Variants in GPHN observed in about 807,000 individuals in gnomAD.
The protein encoded by GPHN is gephyrin.
In GPHN, 17 loss-of-function variants were observed where a neutral mutation model predicts 95.5. That is an observed-to-expected ratio of 0.18 (90% confidence interval 0.12 to 0.27). The LOEUF (loss-of-function observed/expected upper bound fraction) is 0.27. Ranked by LOEUF, GPHN falls within the 10% of genes least tolerant of loss-of-function variation. GPHN has a pLI of 1.00. For synonymous variants in GPHN, 320 were observed against 322.5 expected (o/e 0.99, Z 0.08); for missense variants, 660 against 978.1 (o/e 0.67, Z 4.34).
At chr14:67,522,494 T>C in the GPHN span, among the ~76,000 whole-genome samples, 2 of 152,156 alleles carry the variant, frequency 1.3e-5, no homozygotes, top group East Asian at 3.8e-4. Context: ...TATGCTGCTA[T>C]CTAAGCCACT....
chr14:66,732,654 C>G (rs771036643), intron 2 of GPHN, among the ~76,000 whole-genome samples: 1 of 151,744 alleles, frequency 6.6e-6, no homozygotes, highest in Non-Finnish European at 1.5e-5. Context: ...GTAGCTGGTA[C>G]TACAGGCACG....
At chr14:66,942,482 G>T (rs2153573625) in intron 8 of GPHN, among the ~76,000 whole-genome samples, 1 of 152,230 alleles carries the variant, frequency 6.6e-6, no homozygotes, top group African/African-American at 2.4e-5. Flanking sequence ...TTTTGAAAAG[G>T]ATCAAAACAA....
intron 1 of GPHN, among the ~76,000 whole-genome samples, chr14:66,629,241 A>ATATTTATATACGTAT (rs1566729731): frequency 2.0e-5 from 3 of 146,548 alleles, no homozygotes; most frequent in Non-Finnish European, 3.0e-5. Flanking sequence ...ATATAAATAT[A>ATATTTATATACGTAT]AAACACACGT....
intron 1 of GPHN, among the ~76,000 whole-genome samples, chr14:66,636,815 T>C (rs2064127715): frequency 6.6e-6 from 1 of 152,184 alleles, no homozygotes; most frequent in South Asian, 2.1e-4. Context: ...AATAAGGCTC[T>C]AAAAACACAA....
chr14:66,683,329 A>AAT (rs59011754), intron 2 of GPHN, among the ~76,000 whole-genome samples: 2 of 7,924 alleles, frequency 2.5e-4, no homozygotes, highest in Non-Finnish European at 3.5e-4. Context: ...CCAATGTGGA[A>AAT]ATATATATAT....
At chr14:66,648,952 G>A (rs915208791) in intron 1 of GPHN, among the ~76,000 whole-genome samples, 6 of 152,120 alleles carry the variant, frequency 3.9e-5, no homozygotes, top group Non-Finnish European at 8.8e-5. Context: ...AGAGATTGAG[G>A]GATAACTGTT....
At chr14:66,561,750 A>G (rs762637203) in intron 1 of GPHN, among the ~76,000 whole-genome samples, 14 of 152,204 alleles carry the variant, frequency 9.2e-5, no homozygotes, top group Non-Finnish European at 1.6e-4. Flanking sequence ...CAAAATTACC[A>G]TAAATGTTGT....
At chr14:67,096,064 A>C (rs945890954) in intron 12 of GPHN, among the ~76,000 whole-genome samples, 2 of 151,798 alleles carry the variant, frequency 1.3e-5, no homozygotes, top group African/African-American at 4.8e-5. Context: ...GATGATTTGC[A>C]TGCACATTAA....
At chr14:66,725,222 A>T (rs926570087) in intron 2 of GPHN, among the ~76,000 whole-genome samples, 1 of 152,146 alleles carries the variant, frequency 6.6e-6, no homozygotes, top group Non-Finnish European at 1.5e-5. Flanking sequence ...TATGTAATCC[A>T]CCCAGTGTAT....
chr14:66,856,784 T>C (rs1007241319), intron 4 of GPHN, among the ~76,000 whole-genome samples: 2 of 152,048 alleles, frequency 1.3e-5, no homozygotes, highest in East Asian at 3.8e-4. Context: ...CGAAACTGAT[T>C]TTAAGAATTC....
the GPHN span, among the ~76,000 whole-genome samples, chr14:67,260,437 C>T: frequency 6.6e-6 from 1 of 152,118 alleles, no homozygotes; most frequent in Non-Finnish European, 1.5e-5. Flanking sequence ...TTATATGTTA[C>T]GAACTCATCA....
At chr14:66,982,308 T>C (rs563930221) in intron 9 of GPHN, among the ~76,000 whole-genome samples, 1 of 152,062 alleles carries the variant, frequency 6.6e-6, no homozygotes, top group Admixed American at 6.6e-5. Context: ...TAGTTTAGGA[T>C]CCAGGCAATT....
At chr14:66,955,372 A>C (rs1261610739) in intron 8 of GPHN, among the ~76,000 whole-genome samples, 2 of 152,144 alleles carry the variant, frequency 1.3e-5, no homozygotes, top group African/African-American at 4.8e-5. Flanking sequence ...TATCTAGGTC[A>C]TGCAACTTGT....
the GPHN span, among the ~76,000 whole-genome samples, chr14:67,309,876 T>C: frequency 6.6e-6 from 1 of 152,120 alleles, no homozygotes; most frequent in African/African-American, 2.4e-5. Context: ...AGAAAGTGAT[T>C]TGATAAAATT....
At chr14:66,622,738 C>A (rs1329023592) in intron 1 of GPHN, among the ~76,000 whole-genome samples, 2 of 152,206 alleles carry the variant, frequency 1.3e-5, no homozygotes, top group Non-Finnish European at 2.9e-5. Context: ...GCAAGAGTCA[C>A]CTTTGCTCCA....
At chr14:67,399,293 G>A in the GPHN span, among the ~76,000 whole-genome samples, 47 of 142,060 alleles carry the variant, frequency 3.3e-4, no homozygotes, top group African/African-American at 6.6e-4. Flanking sequence ...CAGGTGGCAG[G>A]AATAAAGAGA....
chr14:67,046,498 C>T (rs1308424511), intron 10 of GPHN, among the ~76,000 whole-genome samples: 1 of 152,120 alleles, frequency 6.6e-6, no homozygotes, highest in Non-Finnish European at 1.5e-5. Flanking sequence ...GTTTTATATA[C>T]TATTCTAAGG....
chr14:67,297,578 T>A, the GPHN span, among the ~76,000 whole-genome samples: 1 of 152,212 alleles, frequency 6.6e-6, no homozygotes, highest in Non-Finnish European at 1.5e-5. Flanking sequence ...AATATTACTT[T>A]GATAACATTG....
chr14:66,708,951 A>G (rs1595637901), intron 2 of GPHN, among the ~76,000 whole-genome samples: 1 of 152,162 alleles, frequency 6.6e-6, no homozygotes, highest in East Asian at 1.9e-4. Flanking sequence ...TTAATAGTCT[A>G]TTATACATAA....
Sources: allele counts gnomAD v4.1 joint callset (sites outside exome capture counted in the v4.1 genomes callset), GRCh38; gene constraint gnomAD v4.1.1; transcripts MANE v1.5; gene names NCBI Gene and HGNC (gene_info 2026-07-23, HGNC 2026-07-21).